The following FUT8 variants were observed in gnomAD, a reference collection of about 807,000 sequenced individuals.
FUT8 encodes the protein fucosyltransferase 8, also known as alpha-(1,6)-fucosyltransferase.
Under a neutral mutation model 71.3 loss-of-function variants are expected in FUT8, and 29 were observed. That is an observed-to-expected ratio of 0.41 (90% CI 0.30 to 0.55). FUT8 has a LOEUF of 0.55. FUT8 is among the 20% of genes least tolerant of loss of function. The probability of loss-of-function intolerance (pLI) is 0.34; values close to 1 mark genes in which losing one functional copy is unlikely to be tolerated. For missense variants in FUT8, 544 were observed against 702.1 expected, an observed-to-expected ratio of 0.77 and a Z score of 2.55; for synonymous variants, 254 against 239.3, an observed-to-expected ratio of 1.06 and a Z score of -0.57.
intron 6 of FUT8, among the ~76,000 whole-genome samples, chr14:65,658,630 G>A (rs1325279423): frequency 6.6e-6 from 1 of 151,470 alleles, no homozygotes; most frequent in African/African-American, 2.4e-5. Context: ...GATCTCAAGA[G>A]CATTGTGCTG....
At chr14:65,561,005 T>A (rs1361627623) in intron 2 of FUT8, among the ~76,000 whole-genome samples, 1 of 152,180 alleles carries the variant, frequency 6.6e-6, no homozygotes, top group Non-Finnish European at 1.5e-5. Context: ...CATTTTGTTT[T>A]TGATTGATTG....
intron 9 of FUT8, among the ~76,000 whole-genome samples, chr14:65,729,635 C>T (rs1895871456): frequency 6.6e-6 from 1 of 151,920 alleles, no homozygotes; most frequent in African/African-American, 2.4e-5. Context: ...CCACCTCAGC[C>T]ATCTGAGTAG....
At chr14:65,373,944 AGAG>A in the FUT8 span, among the ~76,000 whole-genome samples, 9,044 of 152,270 alleles carry the variant, frequency 0.059, 314 homozygotes, top group Admixed American at 0.11. Flanking sequence ...AGGAGGGTTA[AGAG>A]GAGAAGAACC....
chr14:65,515,325 G>A (rs1882638378), intron 2 of FUT8, among the ~76,000 whole-genome samples: 2 of 152,058 alleles, frequency 1.3e-5, no homozygotes, highest in Non-Finnish European at 2.9e-5. Context: ...CTGCATTACA[G>A]TTACTGTAAT....
intron 2 of FUT8, among the ~76,000 whole-genome samples, chr14:65,538,075 C>A (rs1884447214): frequency 6.6e-6 from 1 of 152,154 alleles, no homozygotes; most frequent in African/African-American, 2.4e-5. Flanking sequence ...ACTCTTTAGT[C>A]CCCTAGGGCC....
intron 2 of FUT8, among the ~76,000 whole-genome samples, chr14:65,542,594 G>A (rs1884739183): frequency 6.6e-6 from 1 of 152,112 alleles, no homozygotes; most frequent in Admixed American, 6.5e-5. Context: ...GTAAAGATTA[G>A]CCTTTAAAGG....
intron 3 of FUT8, among the ~76,000 whole-genome samples, chr14:65,580,119 A>T (rs147271435): frequency 6.8e-6 from 1 of 147,498 alleles, no homozygotes; most frequent in African/African-American, 2.6e-5. Context: ...GCGGGATTAC[A>T]TTCTGAGAAA....
chr14:65,703,676 T>C (rs1361022672), intron 7 of FUT8, among the ~76,000 whole-genome samples: 1 of 152,166 alleles, frequency 6.6e-6, no homozygotes, highest in Non-Finnish European at 1.5e-5. Flanking sequence ...AGAAGATACA[T>C]TGTGCAGTCT....
chr14:65,625,176 T>C (rs1889833504), intron 5 of FUT8, among the ~76,000 whole-genome samples: 1 of 152,164 alleles, frequency 6.6e-6, no homozygotes, highest in Admixed American at 6.5e-5. Flanking sequence ...CACATTCTAT[T>C]ATGATGAAAC....
At chr14:65,683,116 C>T (rs181727883) in intron 7 of FUT8, among the ~76,000 whole-genome samples, 17 of 151,752 alleles carry the variant, frequency 1.1e-4, no homozygotes, top group Admixed American at 3.9e-4. Context: ...CAGGTTCAAG[C>T]GATTCTCCTG....
chr14:65,733,413 A>G (rs1429973842), intron 10 of FUT8, 32 bp downstream of exon 10: 2 of 1,514,704 alleles, frequency 1.3e-6, no homozygotes, highest in South Asian at 2.6e-5. Context: ...TAAAATAACC[A>G]ATACTTTTTG....
At chr14:65,637,174 A>G (rs1890603898) in intron 6 of FUT8, among the ~76,000 whole-genome samples, 1 of 152,216 alleles carries the variant, frequency 6.6e-6, no homozygotes, top group Non-Finnish European at 1.5e-5. Flanking sequence ...GTCCATTTTT[A>G]AAACTGCACG....
intron 9 of FUT8, among the ~76,000 whole-genome samples, chr14:65,729,674 T>G (rs1485320732): frequency 6.6e-6 from 1 of 151,976 alleles, no homozygotes; most frequent in Non-Finnish European, 1.5e-5. Flanking sequence ...GCCACCACAC[T>G]CAGCTAGATA....
intron 7 of FUT8, among the ~76,000 whole-genome samples, chr14:65,680,512 A>G (rs914186841): frequency 1.3e-5 from 2 of 152,002 alleles, no homozygotes; most frequent in African/African-American, 2.4e-5. Context: ...ATATGGATCT[A>G]TTTCTGGTTT....
At position 65,643,221 on chromosome 14, in the gene FUT8, A is replaced by G. The variant is rs1200252683; in HGVS notation, c.597+13615A>G. Among the ~76,000 whole-genome samples, 1 of 152,114 alleles carries G rather than the reference A, an allele frequency of 6.6e-6. No homozygotes were observed. Among genetic ancestry groups the G allele is most frequent in the Non-Finnish European group, 1.5e-5 (1 of 68,024 alleles). On this transcript the variant is annotated intron_variant, in intron 6 of 10. Transcript: ENST00000673929. The surrounding 1 kb of genome is among the most constrained non-coding windows in gnomAD (Gnocchi z 4.5). ...CTCACTAAGCTGACAGCATTTTGAC[A>G]TTTTTCAGTTTACATATTTTTATAT...
chr14:65,729,686 A>T (rs896414800), intron 9 of FUT8, among the ~76,000 whole-genome samples: 1 of 152,064 alleles, frequency 6.6e-6, no homozygotes, highest in Non-Finnish European at 1.5e-5. Flanking sequence ...AGCTAGATAT[A>T]AACATTTTAC....
chr14:65,459,491 A>T (rs1260442727), intron 2 of FUT8, among the ~76,000 whole-genome samples: 3 of 152,206 alleles, frequency 2.0e-5, no homozygotes, highest in Admixed American at 2.0e-4. Context: ...CTTAAAATTA[A>T]CTGCAAAAGA....
chr14:65,436,356 C>T (rs1469712850), intron 1 of FUT8, among the ~76,000 whole-genome samples: 1 of 152,140 alleles, frequency 6.6e-6, no homozygotes, highest in African/African-American at 2.4e-5. Context: ...AGTGGCCAGG[C>T]ACAGTGGCTC....
At chr14:65,523,346 G>A (rs1228248329) in intron 2 of FUT8, among the ~76,000 whole-genome samples, 3 of 152,164 alleles carry the variant, frequency 2.0e-5, no homozygotes. Flanking sequence ...ATTTTTTCAT[G>A]TGTCTGTTGG....
Sources: gnomAD v4.1 joint callset for allele counts (sites outside exome capture counted in the v4.1 genomes callset) on GRCh38, gnomAD v4.1.1 for gene constraint, Gnocchi (gnomAD v3.1) non-coding constraint, MANE v1.5 for transcripts, NCBI Gene and HGNC (gene_info 2026-07-23, HGNC 2026-07-21) for gene names.